Variants in TMX3 observed in about 807,000 individuals in gnomAD.
TMX3 encodes protein disulfide-isomerase TMX3.
TMX3 carries 40 observed loss-of-function variants against 64.4 expected under a neutral mutation model. The ratio of observed to expected loss-of-function variants is 0.62; its 90% confidence interval spans 0.48 to 0.81. TMX3 has a LOEUF of 0.81. Ranked by LOEUF, TMX3 falls within the 30% of genes least tolerant of loss-of-function variation. The pLI, the probability that TMX3 is intolerant of heterozygous loss-of-function variation, is 0.00. For missense variants in TMX3, 497 were observed against 534.5 expected, an observed-to-expected ratio of 0.93 and a Z score of 0.69; for synonymous variants, 189 against 175.7, an observed-to-expected ratio of 1.08 and a Z score of -0.60.
chr18:68,676,560 A>T lies in TMX3; in HGVS notation c.*373T>A. On this transcript the variant is annotated 3_prime_UTR_variant, in exon 16 of 16. Coordinates refer to ENST00000299608, the MANE Select transcript of TMX3 (RefSeq NM_019022.5). Reference sequence around the variant, plus strand: ...TGAGGGAAACGGATGGCAGCAGGAGAGGCATTATTTTTCTATATCACACAT... The same window carrying T: ...TGAGGGAAACGGATGGCAGCAGGAGTGGCATTATTTTTCTATATCACACAT... 5.7e-6 allele frequency: 1 copy of T among 173,920 alleles called. No homozygotes were observed. Among genetic ancestry groups the T allele is most frequent in the Admixed American group, 5.9e-5 (1 of 16,918 alleles). 10.8% of individuals were successfully genotyped at this position (173,920 alleles called of 1,614,324 possible). A position where few individuals can be genotyped will look rare whatever the true frequency, so the allele number is the denominator to read the frequency against.
chr18:68,687,257 G>A (rs766192844), intron 10 of TMX3: 36 of 985,202 alleles, frequency 3.7e-5, no homozygotes, highest in Non-Finnish European at 4.2e-5. Flanking sequence ...TTCCAACAGC[G>A]TAACTTGAAG....
Position 68,697,247 on chromosome 18 carries a change from G to A in TMX3, c.549C>T (p.Ala183=). 6.3e-7 allele frequency: 1 copy of A among 1,577,746 alleles called. No individual in the cohort carries two copies. Among genetic ancestry groups the A allele is most frequent in the Non-Finnish European group, 8.6e-7 (1 of 1,158,976 alleles). ...ELIVYTYFFS[A]SEEVVPEYVT... Reference sequence around the variant, plus strand: ...TTACCTCAGGAACCACTTCTTCTGAGGCAGAAAAGAAGTATGTATATACAA... The same window carrying A: ...TTACCTCAGGAACCACTTCTTCTGAAGCAGAAAAGAAGTATGTATATACAA... Residue 183 remains alanine (A), a synonymous_variant, in exon 8 of 16, where the codon GCC becomes GCT. Coordinates refer to ENST00000299608, the MANE Select transcript of TMX3 (RefSeq NM_019022.5).
intron 8 of TMX3, among the ~76,000 whole-genome samples, chr18:68,693,220 T>C (rs1365464256): frequency 6.6e-6 from 1 of 152,222 alleles, no homozygotes; most frequent in Admixed American, 6.5e-5. Flanking sequence ...CTGGAGCAGC[T>C]GCTGCGCGAA....
intron 5 of TMX3, chr18:68,700,743 G>A (rs1015903869): frequency 2.1e-5 from 21 of 984,164 alleles, no homozygotes; most frequent in East Asian, 2.3e-4. Context: ...TTGTATCTAC[G>A]CCTTCTGAAA....
At chr18:68,682,757 AAATACAG>A (rs1178357374) in intron 13 of TMX3, among the ~76,000 whole-genome samples, 161 bp downstream of exon 13, 22 of 152,068 alleles carry the variant, frequency 1.4e-4, no homozygotes, top group Non-Finnish European at 2.8e-4. Flanking sequence ...GTTAAGTTCC[AAATACAG>A]AATTGGAAAA....
intron 10 of TMX3, chr18:68,686,899 A>C (rs1914017326): frequency 1.0e-6 from 1 of 985,214 alleles, no homozygotes; most frequent in African/African-American, 1.7e-5. Context: ...GAGAACATGT[A>C]AGAATGTCTC....
chr18:68,697,740 C>G (rs1915237667), intron 7 of TMX3, 192 bp downstream of exon 7: 1 of 523,406 alleles, frequency 1.9e-6, no homozygotes, highest in East Asian at 3.0e-5. Context: ...TTTTTACACA[C>G]TTCTGTTTCA....
chr18:68,711,464 TATA>T, intron 2 of TMX3, 61 bp from the exon 3 acceptor site: 8 of 1,192,852 alleles, frequency 6.7e-6, no homozygotes, highest in African/African-American at 3.1e-5. Flanking sequence ...AACTGTATAG[TATA>T]GGCAGAGATA....
rs548329439 is a variant in TMX3 at position 68,714,936 on chromosome 18, C to G, written c.46G>C (p.Val16Leu). Residue 16 changes from valine to leucine, a missense_variant and splice_region_variant, in exon 1 of 16, where the codon GTT (valine) becomes CTT (leucine). Transcript: ENST00000299608. ...SWTALRLCAT[V>L]VVLDMVVCKG... Reference sequence around the variant, plus strand: ...GTCCCGACCGCTGAGCCCCCATTACCTGTGGCGCAGAGCCGCAGGGCCGTC... The same window carrying G: ...GTCCCGACCGCTGAGCCCCCATTACGTGTGGCGCAGAGCCGCAGGGCCGTC... 1.3e-6 allele frequency: 2 copies of G among 1,564,852 alleles called. No homozygotes were observed. The highest frequency in any genetic ancestry group is 1.7e-6 in the Non-Finnish European group (2 of 1,155,272).
At chr18:68,693,301 C>T (rs1057475614) in intron 8 of TMX3, among the ~76,000 whole-genome samples, 1 of 152,132 alleles carries the variant, frequency 6.6e-6, no homozygotes, top group Non-Finnish European at 1.5e-5. Flanking sequence ...CGGGAACAAG[C>T]GGGAGAGTCC....
chr18:68,680,349 T>G (rs1383313574), intron 14 of TMX3, among the ~76,000 whole-genome samples: 1 of 152,178 alleles, frequency 6.6e-6, no homozygotes, highest in Non-Finnish European at 1.5e-5. Flanking sequence ...TGATTGTGAC[T>G]TGCGGTGGTT....
chr18:68,684,164 G>A, intron 12 of TMX3, 26 bp downstream of exon 12: 1 of 1,553,482 alleles, frequency 6.4e-7, no homozygotes, highest in Non-Finnish European at 8.8e-7. Flanking sequence ...AAAAATAAAG[G>A]AATCTCTCAG....
At chr18:68,689,692 A>G (rs1035718550) in intron 9 of TMX3, 19 of 152,180 alleles carry the variant, frequency 1.2e-4, no homozygotes, top group African/African-American at 4.6e-4. Flanking sequence ...TTTCCTTCTC[A>G]TATTTTCAAA....
chr18:68,687,653 C>T lies in TMX3; in HGVS notation c.736+14G>A, dbSNP rs1412436796. 1.4e-5 allele frequency: 22 copies of T among 1,597,652 alleles called. 1 individual carries two copies. In the East Asian group the frequency reaches 4.7e-4, roughly 34 times the overall value. On this transcript the variant is annotated intron_variant, in intron 10 of 15. Transcript: ENST00000299608. ...TCATGTAACATAATGGAGACTTGTA[C>T]ATATGCTTGTTACCTGTGTCTCCAA...
rs930047060 is a variant in TMX3, at chr18:68,675,740, TAA to T, written c.*1191_*1192del. The T allele has an allele frequency of 6.6e-6, 1 of 152,004 alleles. No individual in the cohort carries two copies. The highest frequency in any genetic ancestry group is 1.5e-5 in the Non-Finnish European group (1 of 67,948). The allele number at this position is 152,004 out of a possible 1,614,324, so 9.4% of individuals were successfully genotyped here. ...CAATAAACATACCAAACTGTTACTT[TAA>T]AAAAAAGAGTTTTTAGACATTGCTT... On this transcript the variant is annotated 3_prime_UTR_variant, in exon 16 of 16. Coordinates refer to ENST00000299608, the MANE Select transcript of TMX3 (RefSeq NM_019022.5).
In TMX3 at chr18:68,681,178, T is replaced by C. The variant is rs1247662716; in HGVS notation, c.906-68A>G. ...AATAGCAAGTATTCTGATATTCATTTATATCTCAGTAGCCATAATTATAGA... is the reference window on the plus strand; with the variant it reads ...AATAGCAAGTATTCTGATATTCATTCATATCTCAGTAGCCATAATTATAGA... On this transcript the variant is annotated intron_variant, in intron 13 of 15. Coordinates refer to ENST00000299608, the MANE Select transcript of TMX3 (RefSeq NM_019022.5). The C allele has an allele frequency of 5.4e-6, 7 of 1,292,870 alleles. No homozygotes were observed. In the East Asian group the frequency reaches 1.6e-4, roughly 29 times the overall value. The allele number at this position is 1,292,870 out of a possible 1,614,324, so 80.1% of individuals were successfully genotyped here.
intron 4 of TMX3, among the ~76,000 whole-genome samples, chr18:68,706,621 T>C (rs2030699452): frequency 6.6e-6 from 1 of 152,116 alleles, no homozygotes; most frequent in Non-Finnish European, 1.5e-5. Flanking sequence ...ATACCGCAAC[T>C]GTCTGAAAAG....
intron 10 of TMX3, chr18:68,686,787 C>T: frequency 1.0e-6 from 1 of 985,158 alleles, no homozygotes; most frequent in Non-Finnish European, 1.2e-6. Flanking sequence ...ATACACAGCT[C>T]CTTCTGTAAA....
At position 68,682,906 on chromosome 18, in the gene TMX3, C is replaced by A. The variant is rs746828570; in HGVS notation, c.905+19G>T. On this transcript the variant is annotated intron_variant, in intron 13 of 15. Coordinates refer to ENST00000299608, the MANE Select transcript of TMX3 (RefSeq NM_019022.5). ...AAATTAATAGATTTGACAGCAAAAT[C>A]ATTCAGCACTTTACTTACTCCATCA... 15 of 1,581,216 alleles carry A rather than the reference C, an allele frequency of 9.5e-6. No homozygotes were observed. The highest frequency in any genetic ancestry group is 1.7e-4 in the Middle Eastern group (1 of 5,946).
Sources: allele counts gnomAD v4.1 joint callset (sites outside exome capture counted in the v4.1 genomes callset), GRCh38; gene constraint gnomAD v4.1.1; transcripts MANE v1.5; gene names NCBI Gene and HGNC (gene_info 2026-07-23, HGNC 2026-07-21).